Variants in SMAP1 observed in about 807,000 individuals in gnomAD.
The protein encoded by SMAP1 is stromal membrane-associated protein 1.
A neutral mutation model predicts 58.5 loss-of-function variants in SMAP1; 24 were observed. The observed-to-expected ratio is 0.41, with a 90% CI of 0.30 to 0.58. The LOEUF is 0.58. Among genes scored for constraint, SMAP1 ranks in the 20% least tolerant of loss-of-function variants. The pLI is 0.29. For synonymous variants in SMAP1, 216 were observed against 196.6 expected, an observed-to-expected ratio of 1.10 and a Z score of -0.82; for missense variants, 563 against 566.3, an observed-to-expected ratio of 0.99 and a Z score of 0.06.
chr6:70,762,595 T>C (rs954700433), intron 3 of SMAP1, among the ~76,000 whole-genome samples: 1 of 152,162 alleles, frequency 6.6e-6, no homozygotes, highest in African/African-American at 2.4e-5. Context: ...ATTTCTTCCT[T>C]GGGTGACTCC....
At chr6:70,782,575 A>C (rs1230742842) in intron 4 of SMAP1, among the ~76,000 whole-genome samples, 1 of 152,202 alleles carries the variant, frequency 6.6e-6, no homozygotes, top group Non-Finnish European at 1.5e-5. Flanking sequence ...CTGCCCTGAA[A>C]CATCGGACTC....
chr6:70,800,294 A>G (rs1175049375), intron 6 of SMAP1, among the ~76,000 whole-genome samples: 1 of 149,836 alleles, frequency 6.7e-6, no homozygotes, highest in Non-Finnish European at 1.5e-5. Context: ...ACACCCTTTA[A>G]AAAAAAAATA....
chr6:70,772,288 G>A (rs951883063), intron 3 of SMAP1, among the ~76,000 whole-genome samples: 1 of 152,164 alleles, frequency 6.6e-6, no homozygotes, highest in Non-Finnish European at 1.5e-5. Context: ...TGCCTCAACT[G>A]TCATTTTAAA....
chr6:70,779,941 C>T (rs1767693648), intron 4 of SMAP1, among the ~76,000 whole-genome samples: 1 of 152,110 alleles, frequency 6.6e-6, no homozygotes, highest in African/African-American at 2.4e-5. Context: ...ATATCAAAAC[C>T]CTGTCATTGA....
chr6:70,837,350 C>G (rs1463871154), intron 7 of SMAP1, among the ~76,000 whole-genome samples: 1 of 152,144 alleles, frequency 6.6e-6, no homozygotes, highest in Non-Finnish European at 1.5e-5. Flanking sequence ...TTCTCTCTCT[C>G]TCTTTCTCGA....
In SMAP1 at chr6:70,861,849, T is replaced by C. The variant is rs1252123629; in HGVS notation, c.*1515T>C. The C allele has an allele frequency of 6.2e-7, 1 of 1,614,100 alleles. No individual in the cohort carries two copies. The highest frequency in any genetic ancestry group is 1.3e-5 in the African/African-American group (1 of 75,046). Reference sequence around the variant, plus strand: ...GAATACCTTAGTGCAGTTATTTGCTTTCGGTTCCAGTTCTTCGACTGTTGT... The same window carrying C: ...GAATACCTTAGTGCAGTTATTTGCTCTCGGTTCCAGTTCTTCGACTGTTGT... On this transcript the variant is annotated 3_prime_UTR_variant, in exon 11 of 11. Coordinates refer to ENST00000370455, the MANE Select transcript of SMAP1 (RefSeq NM_001044305.3).
At chr6:70,808,902 C>G (rs530830044) in intron 6 of SMAP1, among the ~76,000 whole-genome samples, 221 of 144,766 alleles carry the variant, frequency 1.5e-3, no homozygotes, top group South Asian at 4.1e-3. Context: ...GGCTGTTTCC[C>G]TGTGTGTGTG....
chr6:70,735,347 A>G (rs1057444241), intron 2 of SMAP1, among the ~76,000 whole-genome samples: 2 of 152,194 alleles, frequency 1.3e-5, no homozygotes, highest in Admixed American at 6.5e-5. Flanking sequence ...TAGTTTTGCT[A>G]TACATTAAAA....
At chr6:70,774,559 G>A (rs534567046) in intron 4 of SMAP1, among the ~76,000 whole-genome samples, 1 of 151,794 alleles carries the variant, frequency 6.6e-6, no homozygotes, top group Non-Finnish European at 1.5e-5. Context: ...GCTATCTTTG[G>A]CCATAAAAAA....
intron 4 of SMAP1, 128 bp downstream of exon 4, chr6:70,773,553 AC>A (rs1349316792): frequency 3.6e-6 from 2 of 549,370 alleles, no homozygotes; most frequent in East Asian, 6.7e-5. Flanking sequence ...GAATATTGGA[AC>A]TTTTTTGGTT....
At chr6:70,701,022 G>A (rs1016049451) in intron 1 of SMAP1, among the ~76,000 whole-genome samples, 8 of 152,108 alleles carry the variant, frequency 5.3e-5, no homozygotes, top group South Asian at 2.1e-4. Flanking sequence ...AGGCAAAGTC[G>A]TCTTTACCCT....
At chr6:70,832,236 T>C (rs1770389499) in intron 6 of SMAP1, among the ~76,000 whole-genome samples, 1 of 152,220 alleles carries the variant, frequency 6.6e-6, no homozygotes, top group Non-Finnish European at 1.5e-5. Context: ...GTAGTTTCTT[T>C]GGCTGTGCAG....
intron 1 of SMAP1, among the ~76,000 whole-genome samples, chr6:70,669,321 C>T (rs1766167877): frequency 6.6e-6 from 1 of 152,162 alleles, no homozygotes; most frequent in South Asian, 2.1e-4. Flanking sequence ...AAATGAGTCA[C>T]ATTTCAGTAG....
chr6:70,789,335 C>T (rs1768234750), intron 4 of SMAP1, among the ~76,000 whole-genome samples: 1 of 152,072 alleles, frequency 6.6e-6, no homozygotes, highest in Non-Finnish European at 1.5e-5. Flanking sequence ...GTGCCCCTCG[C>T]TAGTCAGCCC....
At chr6:70,805,357 A>G (rs566593030) in intron 6 of SMAP1, among the ~76,000 whole-genome samples, 18 of 152,240 alleles carry the variant, frequency 1.2e-4, no homozygotes, top group East Asian at 5.8e-4. Flanking sequence ...CCATCAGGTC[A>G]TTTAAGGTCT....
At chr6:70,802,595 G>T (rs894973848) in intron 6 of SMAP1, among the ~76,000 whole-genome samples, 1 of 152,178 alleles carries the variant, frequency 6.6e-6, no homozygotes, top group African/African-American at 2.4e-5. Flanking sequence ...GTTTTCAAAG[G>T]AAATGCTTCC....
At chr6:70,758,182 A>G (rs1341261653) in intron 3 of SMAP1, among the ~76,000 whole-genome samples, 1 of 151,550 alleles carries the variant, frequency 6.6e-6, no homozygotes, top group Non-Finnish European at 1.5e-5. Context: ...ATGGAATACT[A>G]TGCAGCCATA....
intron 6 of SMAP1, among the ~76,000 whole-genome samples, chr6:70,815,333 C>T (rs1409963424): frequency 6.6e-6 from 1 of 152,026 alleles, no homozygotes; most frequent in Non-Finnish European, 1.5e-5. Flanking sequence ...AGTAAATTAC[C>T]TTTTTAGTGC....
intron 6 of SMAP1, among the ~76,000 whole-genome samples, chr6:70,833,779 A>G (rs1399320662): frequency 5.3e-5 from 8 of 152,344 alleles, no homozygotes; most frequent in South Asian, 2.1e-4. Flanking sequence ...TCTATTCTGT[A>G]TCATTTTTAT....
Sources: gnomAD v4.1 joint callset for allele counts (sites outside exome capture counted in the v4.1 genomes callset) on GRCh38, gnomAD v4.1.1 for gene constraint, MANE v1.5 for transcripts, NCBI Gene and HGNC (gene_info 2026-07-23, HGNC 2026-07-21) for gene names.